PPP2R5D: variants seen among roughly 807,000 people sequenced by gnomAD.
PPP2R5D encodes the protein protein phosphatase 2 regulatory subunit B'delta, also known as serine/threonine-protein phosphatase 2A 56 kDa regulatory subunit delta isoform.
Under a neutral mutation model 79.1 loss-of-function variants are expected in PPP2R5D, and 12 were observed. The observed-to-expected ratio is 0.15, with a 90% CI of 0.10 to 0.25. PPP2R5D has a LOEUF of 0.25. Ranked by LOEUF, PPP2R5D falls within the 10% of genes least tolerant of loss-of-function variation. The pLI, the probability that PPP2R5D is intolerant of heterozygous loss-of-function variation, is 1.00. For missense variants in PPP2R5D, 419 were observed against 760.2 expected (o/e 0.55, Z 5.28); for synonymous variants, 277 against 286.6 (o/e 0.97, Z 0.34).
chr6:42,990,296 G>A (rs1317266839), intron 2 of PPP2R5D, among the ~76,000 whole-genome samples: 2 of 152,242 alleles, frequency 1.3e-5, no homozygotes, highest in East Asian at 3.8e-4. Flanking sequence ...ACAGTGGGAT[G>A]CTCTGGATGG....
chr6:42,998,254 T>C lies in PPP2R5D; in HGVS notation c.106-8209T>C, dbSNP rs1004239040. Among the ~76,000 whole-genome samples the C allele has an allele frequency of 3.8e-4, 57 of 149,960 alleles. 1 individual carries two copies. The highest frequency in any genetic ancestry group is 1.3e-3 in the African/African-American group (55 of 40,814). On this transcript the variant is annotated intron_variant, in intron 2 of 15. Transcript: ENST00000485511. The stretch of plus-strand genomic sequence containing the variant: ...CACGCCCAGCTAATTTTTGTATTTT[T>C]AGTAAAGATAGGGTTTCACCATGTT...
intron 2 of PPP2R5D, among the ~76,000 whole-genome samples, chr6:43,001,939 A>C (rs200651479): frequency 0.014 from 2,085 of 151,708 alleles, 19 homozygotes; most frequent in South Asian, 0.028. Context: ...CTGTCTCAAA[A>C]AAAAAAAAAA....
Position 43,008,888 on chromosome 6 carries a change from C to G in PPP2R5D, c.1080+142C>G. Reference sequence around the variant, plus strand: ...CATGGTTTCCTCTCTGAAGGGGAAGCAAAACCTATATACACCTAGGAAACA... The same window carrying G: ...CATGGTTTCCTCTCTGAAGGGGAAGGAAAACCTATATACACCTAGGAAACA... On this transcript the variant is annotated intron_variant, in intron 10 of 15. Transcript: ENST00000485511. This position sits in a 1 kb window ranked among gnomAD's most constrained non-coding sequence, Gnocchi z 4.2. 7.9e-7 allele frequency: 1 copy of G among 1,270,102 alleles called. No homozygotes were observed. 78.7% of individuals were successfully genotyped at this position (1,270,102 alleles called of 1,614,324 possible). A position where few individuals can be genotyped will look rare whatever the true frequency, so the allele number is the denominator to read the frequency against.
Position 43,008,967 on chromosome 6 carries a change from C to T in PPP2R5D, c.1081-90C>T. The T allele has an allele frequency of 6.8e-7, 1 of 1,476,378 alleles. No individual in the cohort carries two copies. Among genetic ancestry groups the T allele is most frequent in the Non-Finnish European group, 9.3e-7 (1 of 1,077,248 alleles). The allele number at this position is 1,476,378 out of a possible 1,614,324, so 91.5% of individuals were successfully genotyped here. ...CTGAGATCACCCAAACTGTGCCCAC[C>T]AGGGTGGGGGAGAGAGCAGGTAGGA... On this transcript the variant is annotated intron_variant, in intron 10 of 15. Transcript: ENST00000485511. The surrounding 1 kb of genome is among the most constrained non-coding windows in gnomAD (Gnocchi z 4.2).
chr6:42,998,645 C>G (rs1771959737), intron 2 of PPP2R5D, among the ~76,000 whole-genome samples: 1 of 152,170 alleles, frequency 6.6e-6, no homozygotes, highest in Non-Finnish European at 1.5e-5. Context: ...CACCTGTAAT[C>G]CCAGCACTTT....
Position 43,009,402 on chromosome 6 carries a change from C to A in PPP2R5D, c.1332C>A (p.Pro444=), listed in dbSNP as rs747063781. The A allele has an allele frequency of 6.2e-7, 1 of 1,614,120 alleles. No homozygotes were observed. The highest frequency in any genetic ancestry group is 1.7e-5 in the Admixed American group (1 of 60,012). ...LISDNAARVL[P]IMFPALYRNS... Reference sequence around the variant, plus strand: ...GTGACAATGCTGCCCGAGTCCTCCCCATCATGTTCCCTGCACTCTACAGGA... The same window carrying A: ...GTGACAATGCTGCCCGAGTCCTCCCAATCATGTTCCCTGCACTCTACAGGA... Residue 444 remains proline, a synonymous_variant, in exon 12 of 16, where the codon CCC becomes CCA. Transcript: ENST00000485511. The surrounding 1 kb of genome is among the most constrained non-coding windows in gnomAD (Gnocchi z 5.6).
At chr6:42,989,586 C>T (rs749451859) in intron 1 of PPP2R5D, 25 bp from the exon 2 acceptor site, 26 of 1,589,074 alleles carry the variant, frequency 1.6e-5, no homozygotes, top group South Asian at 1.1e-5. Context: ...CATCTGCTAA[C>T]TTTACTTTCA....
intron 1 of PPP2R5D, among the ~76,000 whole-genome samples, chr6:42,986,519 G>T (rs1480764145): frequency 2.0e-5 from 3 of 152,082 alleles, no homozygotes; most frequent in Non-Finnish European, 4.4e-5. Flanking sequence ...TACAGGGTTG[G>T]TGATGGTGTA....
Position 42,984,586 on chromosome 6 carries a change from G to A in PPP2R5D, c.-92G>A. 1 of 1,486,048 alleles carries A rather than the reference G, an allele frequency of 6.7e-7. No individual in the cohort carries two copies. Among genetic ancestry groups the A allele is most frequent in the Non-Finnish European group, 8.9e-7 (1 of 1,119,214 alleles). The allele number at this position is 1,486,048 out of a possible 1,614,324, so 92.1% of individuals were successfully genotyped here. On this transcript the variant is annotated 5_prime_UTR_variant, in exon 1 of 16. Coordinates refer to ENST00000485511, the MANE Select transcript of PPP2R5D (RefSeq NM_006245.4). ...GACCCGGGCGCAGCGCGCAGGCGGT[G>A]GCGAAGAGACGCCGAGCGGGCCGAG...
At chr6:42,987,323 G>A (rs73434525) in intron 1 of PPP2R5D, among the ~76,000 whole-genome samples, 5 of 152,226 alleles carry the variant, frequency 3.3e-5, no homozygotes, top group African/African-American at 4.8e-5. Flanking sequence ...GGAGGGATTC[G>A]CATCTCTCCT....
chr6:42,987,831 C>CA (rs1770966453), intron 1 of PPP2R5D, among the ~76,000 whole-genome samples: 1 of 151,842 alleles, frequency 6.6e-6, no homozygotes, highest in Non-Finnish European at 1.5e-5. Context: ...TGGAGGGGTA[C>CA]AAAAAAGAAT....
At chr6:43,004,161 T>C (rs1761930247) in intron 2 of PPP2R5D, among the ~76,000 whole-genome samples, 1 of 152,182 alleles carries the variant, frequency 6.6e-6, no homozygotes, top group Admixed American at 6.5e-5. Flanking sequence ...TAGCTGGGAC[T>C]ACAGGCACCC....
chr6:43,011,256 G>C lies in PPP2R5D; in HGVS notation c.1779G>C (p.Glu593Asp), dbSNP rs1762341099. The C allele has an allele frequency of 6.2e-7, 1 of 1,614,070 alleles. No individual in the cohort carries two copies. The highest frequency in any genetic ancestry group is 8.5e-7 in the Non-Finnish European group (1 of 1,180,012). Residue 593 changes from glutamate (E) to aspartate (D), a missense_variant, in exon 16 of 16, where the codon GAG (glutamate) becomes GAC (aspartate). By Grantham distance (45) the Glu-to-Asp change is conservative (BLOSUM62 2). This residue lies in a region of PPP2R5D where 84 missense variants were observed against 105.4 expected (regional missense o/e 0.80). Coordinates refer to ENST00000485511, the MANE Select transcript of PPP2R5D (RefSeq NM_006245.4). Reference sequence around the variant, plus strand: ...TGGAGGCGCACAAGCGGGCGGAAGAGTTCCTAACTGCCAGCCAGGAGGCTC... The same window carrying C: ...TGGAGGCGCACAAGCGGGCGGAAGACTTCCTAACTGCCAGCCAGGAGGCTC... ...KALEAHKRAEEFLTASQEAL is the reference protein window; with the variant it reads ...KALEAHKRAEDFLTASQEAL
At position 43,011,561 on chromosome 6, in the gene PPP2R5D, TCACC is replaced by T; in HGVS notation, c.*279_*282del. The T allele has an allele frequency of 2.0e-6, 1 of 510,214 alleles. No homozygotes were observed. The highest frequency in any genetic ancestry group is 3.5e-5 in the East Asian group (1 of 28,838). The allele number at this position is 510,214 out of a possible 1,614,324, so 31.6% of individuals were successfully genotyped here. ...GGGATGCCTGTCCCCTACCTGCTCC[TCACC>T]CACAGCTACCTGAGGCTGCTCTGAG... On this transcript the variant is annotated 3_prime_UTR_variant, in exon 16 of 16. Transcript: ENST00000485511.
At position 43,010,655 on chromosome 6, in the gene PPP2R5D, G is replaced by A; in HGVS notation, c.1482-9G>A. On this transcript the variant is annotated splice_polypyrimidine_tract_variant and intron_variant, in intron 13 of 15. Coordinates refer to ENST00000485511, the MANE Select transcript of PPP2R5D (RefSeq NM_006245.4). The surrounding 1 kb of genome is among the most constrained non-coding windows in gnomAD (Gnocchi z 4.7). ...CAAGCCCAACCCCAATCCTACTTTT[G>A]CTCCTCAGGGGCCGGTTCCGAATGA... 4 of 1,614,010 alleles carry A rather than the reference G, an allele frequency of 2.5e-6. No individual in the cohort carries two copies. The highest frequency in any genetic ancestry group is 3.4e-6 in the Non-Finnish European group (4 of 1,179,940).
chr6:43,000,161 C>T (rs909372956), intron 2 of PPP2R5D, among the ~76,000 whole-genome samples: 2 of 151,592 alleles, frequency 1.3e-5, no homozygotes, highest in Non-Finnish European at 2.9e-5. Context: ...GTCTCGAACT[C>T]CTGACCTCCT....
intron 2 of PPP2R5D, among the ~76,000 whole-genome samples, chr6:42,998,486 G>A (rs1231202293): frequency 6.6e-6 from 1 of 152,146 alleles, no homozygotes; most frequent in East Asian, 1.9e-4. Context: ...GAAATTCACA[G>A]TGCCACTTGA....
At chr6:43,002,787 G>A (rs1761830716) in intron 2 of PPP2R5D, among the ~76,000 whole-genome samples, 1 of 152,140 alleles carries the variant, frequency 6.6e-6, no homozygotes, top group South Asian at 2.1e-4. Context: ...CCACCCCAGA[G>A]GATTTCAAGT....
At chr6:42,984,784 C>G in intron 1 of PPP2R5D, 80 bp downstream of exon 1, 1 of 1,587,112 alleles carries the variant, frequency 6.3e-7, no homozygotes, top group Non-Finnish European at 8.6e-7. Flanking sequence ...AGGCCCGGGA[C>G]AGCCCCAGAC....
Sources: gnomAD v4.1 joint callset for allele counts (sites outside exome capture counted in the v4.1 genomes callset) on GRCh38, gnomAD v4.1.1 for gene constraint, gnomAD v4.1.1 regional missense constraint, Gnocchi (gnomAD v3.1) non-coding constraint, MANE v1.5 for transcripts, NCBI Gene and HGNC (gene_info 2026-07-23, HGNC 2026-07-21) for gene names.